Variants in SLIT1 observed in about 807,000 individuals in gnomAD.
SLIT1 encodes the protein slit homolog 1 protein.
Under a neutral mutation model 186.1 loss-of-function variants are expected in SLIT1, and 66 were observed. That is an observed-to-expected ratio of 0.35 (90% CI 0.29 to 0.44). The LOEUF is 0.44. Ranked by LOEUF, SLIT1 falls within the 20% of genes least tolerant of loss-of-function variation. The pLI, the probability that SLIT1 is intolerant of heterozygous loss-of-function variation, is 1.00. For synonymous variants in SLIT1, 761 were observed against 833.8 expected (o/e 0.91, Z 1.50); for missense variants, 1,638 against 2,037.4 (o/e 0.80, Z 3.77).
intron 34 of SLIT1, 130 bp downstream of exon 34, chr10:97,003,938 C>T (rs1848335060): frequency 1.2e-6 from 1 of 848,158 alleles, no homozygotes; most frequent in Non-Finnish European, 1.8e-6. Context: ...GCCAGTCCAC[C>T]TGCAGCTTGG....
At chr10:97,013,574 AC>A (rs549867462) in intron 30 of SLIT1, among the ~76,000 whole-genome samples, 166 bp downstream of exon 30, 70 of 151,900 alleles carry the variant, frequency 4.6e-4, no homozygotes, top group African/African-American at 1.6e-3. Context: ...TGTGCACATC[AC>A]CCCTCCACCC....
intron 4 of SLIT1, among the ~76,000 whole-genome samples, chr10:97,082,463 C>A (rs1849114836): frequency 6.6e-6 from 1 of 152,140 alleles, no homozygotes; most frequent in Non-Finnish European, 1.5e-5. Context: ...TGAGAGGAGT[C>A]TCGCTCTGTT....
chr10:97,030,004 TAC>T (rs2134608048), intron 25 of SLIT1, among the ~76,000 whole-genome samples: 1 of 152,364 alleles, frequency 6.6e-6, no homozygotes, highest in African/African-American at 2.4e-5. Flanking sequence ...ATGTATGTAG[TAC>T]GTTTTGTTTA....
rs977471029 is a variant in SLIT1 at position 97,088,159 on chromosome 10, G to A, written c.414-22073C>T. 2.0e-5 allele frequency among the ~76,000 whole-genome samples: 3 copies of A among 152,262 alleles called. No individual in the cohort carries two copies. In the East Asian group the frequency reaches 5.8e-4, roughly 29 times the overall value. The stretch of plus-strand genomic sequence containing the variant: ...TGATCAGGGAGGGAGCCTGGGCTTT[G>A]GGATTTTTCAAAGCTTCCAGGGGAT... On this transcript the variant is annotated intron_variant, in intron 4 of 36. Coordinates refer to ENST00000266058, the MANE Select transcript of SLIT1 (RefSeq NM_003061.3).
chr10:97,005,919 T>C (rs1435665662), intron 32 of SLIT1, among the ~76,000 whole-genome samples: 2 of 152,208 alleles, frequency 1.3e-5, no homozygotes, highest in Non-Finnish European at 2.9e-5. Flanking sequence ...TTCTTTATCA[T>C]GTGCTGTGCA....
chr10:97,154,574 C>T (rs1403885350), intron 4 of SLIT1: 3 of 152,194 alleles, frequency 2.0e-5, no homozygotes, highest in Non-Finnish European at 4.4e-5. Context: ...AGTTCTGGCT[C>T]TAGAGCCTAG....
At chr10:97,005,159 G>A (rs1209796782) in intron 32 of SLIT1, among the ~76,000 whole-genome samples, 1 of 152,216 alleles carries the variant, frequency 6.6e-6, no homozygotes, top group Non-Finnish European at 1.5e-5. Flanking sequence ...ACCCCTGTCT[G>A]CTGGGTGTGG....
intron 4 of SLIT1, among the ~76,000 whole-genome samples, chr10:97,139,425 TCA>T (rs1161527085): frequency 6.6e-6 from 1 of 152,206 alleles, no homozygotes; most frequent in Non-Finnish European, 1.5e-5. Context: ...GGAGAGCTGG[TCA>T]CACACACAAA....
intron 4 of SLIT1, among the ~76,000 whole-genome samples, chr10:97,131,128 G>A (rs79079930): frequency 1.5e-3 from 233 of 152,220 alleles, no homozygotes; most frequent in African/African-American, 1.9e-3. Flanking sequence ...GTGTGATCCC[G>A]CCCTTCCCTG....
chr10:97,033,863 T>TA (rs1848613529), intron 23 of SLIT1, among the ~76,000 whole-genome samples: 2 of 148,932 alleles, frequency 1.3e-5, no homozygotes, highest in Non-Finnish European at 3.0e-5. Flanking sequence ...CTGTTCTATT[T>TA]TTTTTTTTTT....
chr10:97,032,525 C>T (rs998346474), intron 23 of SLIT1, among the ~76,000 whole-genome samples: 4 of 151,172 alleles, frequency 2.6e-5, no homozygotes, highest in Admixed American at 6.6e-5. Flanking sequence ...GCCAAAATCG[C>T]GCCACTGCAC....
intron 4 of SLIT1, among the ~76,000 whole-genome samples, chr10:97,116,266 G>A (rs1420973982): frequency 6.6e-6 from 1 of 152,052 alleles, no homozygotes; most frequent in East Asian, 1.9e-4. Flanking sequence ...AAGAGAGAGA[G>A]AAATAATAAT....
intron 4 of SLIT1, among the ~76,000 whole-genome samples, chr10:97,089,461 T>C (rs1195677081): frequency 2.0e-5 from 3 of 152,184 alleles, no homozygotes; most frequent in Admixed American, 6.5e-5. Context: ...ACTCCGTCTC[T>C]CTGGGCTGAC....
At chr10:97,152,153 C>A (rs750846572) in intron 4 of SLIT1, among the ~76,000 whole-genome samples, 4 of 152,180 alleles carry the variant, frequency 2.6e-5, no homozygotes, top group Non-Finnish European at 4.4e-5. Context: ...CATCCTCAGC[C>A]CGGGCACTGA....
intron 4 of SLIT1, 118 bp from the exon 5 acceptor site, chr10:97,066,204 G>T: frequency 1.3e-6 from 1 of 758,274 alleles, no homozygotes; most frequent in Non-Finnish European, 2.3e-6. Context: ...ACCAGCCACT[G>T]CTGCACCCCA....
At chr10:97,115,610 A>T (rs528403341) in intron 4 of SLIT1, among the ~76,000 whole-genome samples, 2 of 151,990 alleles carry the variant, frequency 1.3e-5, no homozygotes, top group Admixed American at 1.3e-4. Flanking sequence ...GGCCTGGAAG[A>T]GCCCTGGGCA....
intron 11 of SLIT1, 85 bp from the exon 12 acceptor site, chr10:97,057,366 G>T: frequency 2.8e-6 from 3 of 1,059,418 alleles, no homozygotes; most frequent in Non-Finnish European, 4.4e-6. Context: ...CAGCTCAACA[G>T]CGCTGCCCCT....
chr10:97,157,675 T>A (rs1264525628), intron 4 of SLIT1, 143 bp downstream of exon 4: 4 of 684,826 alleles, frequency 5.8e-6, no homozygotes, highest in Non-Finnish European at 1.0e-5. Flanking sequence ...TGGCCTTTGA[T>A]GCCCTGGACC....
At chr10:97,166,373 G>A (rs978844063) in intron 1 of SLIT1, among the ~76,000 whole-genome samples, 4 of 151,308 alleles carry the variant, frequency 2.6e-5, no homozygotes, top group African/African-American at 7.3e-5. Flanking sequence ...AAAAATTATC[G>A]GGCATGGTGG....
Sources: allele counts gnomAD v4.1 joint callset (sites outside exome capture counted in the v4.1 genomes callset), GRCh38; gene constraint gnomAD v4.1.1; transcripts MANE v1.5; gene names NCBI Gene and HGNC (gene_info 2026-07-23, HGNC 2026-07-21).